VPS13D: variants seen among roughly 807,000 people sequenced by gnomAD.
VPS13D encodes the protein vacuolar protein sorting 13 homolog D, also known as intermembrane lipid transfer protein VPS13D.
Under a neutral mutation model 461.9 loss-of-function variants are expected in VPS13D, and 187 were observed. That is an observed-to-expected ratio of 0.40 (90% CI 0.36 to 0.46). VPS13D has a LOEUF of 0.46. Ranked by LOEUF, VPS13D falls within the 20% of genes least tolerant of loss-of-function variation. VPS13D has a pLI of 0.60. For synonymous variants in VPS13D, 1,951 were observed against 1,986.3 expected (o/e 0.98, Z 0.47); for missense variants, 4,711 against 5,364.9 (o/e 0.88, Z 3.81).
In VPS13D at chr1:12,244,322, C is replaced by G. The variant is rs747997002; in HGVS notation, c.252C>G (p.Ser84Arg). 2.0e-5 allele frequency: 32 copies of G among 1,614,014 alleles called. No homozygotes were observed. The Admixed American group carries it at 5.2e-4, about 26-fold the overall frequency. The change falls in exon 4 of 70, where the codon AGC (serine) becomes AGG (arginine). Residue 84 changes from serine (S) to arginine (R), a missense_variant. Ser to Arg is a moderately radical substitution (Grantham distance 110, BLOSUM62 -1). Coordinates refer to ENST00000620676, the MANE Select transcript of VPS13D (RefSeq NM_015378.4). ...ACCCTTGGGTGATCTCCATCTCCAG[C>G]CTTCACTTAATTGGAGCCCCAGAGA... is the stretch of plus-strand genomic sequence containing the variant. ...HVDPWVISIS[S>R]LHLIGAPEKI...
intron 54 of VPS13D, 101 bp from the exon 55 acceptor site, chr1:12,373,649 T>G (rs548207621): frequency 1.4e-5 from 9 of 633,156 alleles, no homozygotes; most frequent in Non-Finnish European, 1.9e-5. Context: ...TTAATAAAAG[T>G]TTTGGGCATT....
chr1:12,388,948 G>A (rs753735376), intron 60 of VPS13D, among the ~76,000 whole-genome samples: 2 of 152,192 alleles, frequency 1.3e-5, no homozygotes, highest in Admixed American at 1.3e-4. Flanking sequence ...AATATTACTG[G>A]TGTAGTCGGG....
intron 25 of VPS13D, among the ~76,000 whole-genome samples, chr1:12,301,966 T>C (rs1642435482): frequency 6.6e-6 from 1 of 152,190 alleles, no homozygotes; most frequent in East Asian, 1.9e-4. Flanking sequence ...ATTTCCTTGC[T>C]CTGTGATCAT....
intron 52 of VPS13D, 40 bp from the exon 53 acceptor site, chr1:12,368,428 C>T: frequency 6.4e-7 from 1 of 1,570,128 alleles, no homozygotes; most frequent in Non-Finnish European, 8.6e-7. Context: ...ATCTTGTCTC[C>T]TACATTTTAT....
chr1:12,511,384 G>A lies in VPS13D; in HGVS notation c.*2360G>A, dbSNP rs1404935939. The A allele has an allele frequency of 2.0e-5, 3 of 152,172 alleles. No individual in the cohort carries two copies. Among genetic ancestry groups the A allele is most frequent in the African/African-American group, 7.2e-5 (3 of 41,440 alleles). The allele number at this position is 152,172 out of a possible 1,614,324, so 9.4% of individuals were successfully genotyped here. On this transcript the variant is annotated 3_prime_UTR_variant, in exon 70 of 70. Transcript: ENST00000620676. The surrounding 1 kb of genome is among the most constrained non-coding windows in gnomAD (Gnocchi z 4.5). ...AGCCCTGGGCCAGACAAGGCCAGAA[G>A]GTTTCAGGGGCATTTGACATCCCCT...
At chr1:12,467,331 C>T (rs566536491) in intron 67 of VPS13D, among the ~76,000 whole-genome samples, 1 of 152,288 alleles carries the variant, frequency 6.6e-6, no homozygotes, top group African/African-American at 2.4e-5. Context: ...GCCACCTCGC[C>T]CAGCTAATTC....
chr1:12,268,868 A>T lies in VPS13D; in HGVS notation c.1964A>T (p.His655Leu). Residue 655 changes from histidine (H) to leucine (L), a missense_variant, in exon 16 of 70, where the codon CAT becomes CTT. Physicochemically the swap from His to Leu is moderately conservative, Grantham distance 99. Transcript: ENST00000620676. Reference protein sequence around the residue: ...VADFFYKGKVHTSGFGYQSEL... With the variant: ...VADFFYKGKVLTSGFGYQSEL... ...GACTTTTTCTACAAGGGAAAGGTTCATACCTCAGGTTAACTTTTTTGTTTG... is the reference window on the plus strand; with the variant it reads ...GACTTTTTCTACAAGGGAAAGGTTCTTACCTCAGGTTAACTTTTTTGTTTG... 1.9e-6 allele frequency: 3 copies of T among 1,604,420 alleles called. No individual in the cohort carries two copies. The South Asian group carries it at 3.4e-5, about 18-fold the overall frequency.
intron 63 of VPS13D, among the ~76,000 whole-genome samples, chr1:12,410,178 A>G (rs543518269): frequency 6.6e-6 from 1 of 152,350 alleles, no homozygotes; most frequent in East Asian, 1.9e-4. Flanking sequence ...GATGATTTCT[A>G]AGTGACACAG....
intron 38 of VPS13D, among the ~76,000 whole-genome samples, chr1:12,334,249 A>G (rs1643397989): frequency 6.6e-6 from 1 of 152,202 alleles, no homozygotes; most frequent in Non-Finnish European, 1.5e-5. Context: ...TAATTTGCCT[A>G]GTTGTTAATA....
chr1:12,275,454 A>G (rs1207293004), intron 18 of VPS13D, among the ~76,000 whole-genome samples: 1 of 152,138 alleles, frequency 6.6e-6, no homozygotes, highest in Non-Finnish European at 1.5e-5. Context: ...AAATGAACAC[A>G]CAGAAAAAGG....
intron 65 of VPS13D, among the ~76,000 whole-genome samples, chr1:12,423,602 A>G (rs892149096): frequency 1.3e-5 from 2 of 152,208 alleles, no homozygotes; most frequent in Non-Finnish European, 2.9e-5. Flanking sequence ...TCTGTTTGGG[A>G]CAGCAGTGTG....
chr1:12,487,406 C>A (rs1221841058), intron 67 of VPS13D, among the ~76,000 whole-genome samples: 1 of 151,936 alleles, frequency 6.6e-6, no homozygotes, highest in African/African-American at 2.4e-5. Context: ...GTCAGGAGTT[C>A]GAGACCAGCC....
intron 54 of VPS13D, 53 bp from the exon 55 acceptor site, chr1:12,373,697 G>T (rs1467762611): frequency 9.2e-7 from 1 of 1,087,056 alleles, no homozygotes; most frequent in African/African-American, 1.7e-5. Context: ...GAGTATGTGT[G>T]TGTATACCTG....
chr1:12,361,456 C>T (rs1393266973), intron 50 of VPS13D, among the ~76,000 whole-genome samples: 2 of 145,650 alleles, frequency 1.4e-5, no homozygotes, highest in East Asian at 2.0e-4. Flanking sequence ...AGTGCAGTGG[C>T]GGGATCTCGG....
At chr1:12,376,307 C>T (rs1644197916) in intron 55 of VPS13D, among the ~76,000 whole-genome samples, 1 of 152,160 alleles carries the variant, frequency 6.6e-6, no homozygotes, top group South Asian at 2.1e-4. Context: ...TCTGGCTTTG[C>T]CACTTAAAGA....
chr1:12,437,682 G>A (rs904455791), intron 65 of VPS13D, among the ~76,000 whole-genome samples: 3 of 152,178 alleles, frequency 2.0e-5, no homozygotes, highest in East Asian at 3.9e-4. Context: ...GCAACTAACA[G>A]TATCCAATTT....
chr1:12,385,181 T>G, intron 58 of VPS13D, 79 bp from the exon 59 acceptor site: 1 of 1,133,200 alleles, frequency 8.8e-7, no homozygotes, highest in Non-Finnish European at 1.3e-6. Flanking sequence ...ACTTTTGACC[T>G]ACACAGTTGT....
In VPS13D at chr1:12,354,157, G is replaced by A. The variant is rs751132546; in HGVS notation, c.9615G>A (p.Gly3205=). Residue 3205 remains glycine (G), a synonymous_variant, in exon 47 of 70, where the codon GGG becomes GGA. Coordinates refer to ENST00000620676, the MANE Select transcript of VPS13D (RefSeq NM_015378.4). Reference sequence around the variant, plus strand: ...ATGTTAAAGGAATGCCAATTAATGGGACGCTGAAACCTGGCAAGGAGGCAG... The same window carrying A: ...ATGTTAAAGGAATGCCAATTAATGGAACGCTGAAACCTGGCAAGGAGGCAG... ...DFYVKGMPIN[G]TLKPGKEAAL... 6.2e-6 allele frequency: 10 copies of A among 1,614,196 alleles called. No homozygotes were observed. Among genetic ancestry groups the A allele is most frequent in the East Asian group, 4.5e-5 (2 of 44,872 alleles).
chr1:12,346,762 G>T, intron 44 of VPS13D, 110 bp downstream of exon 44: 1 of 1,067,456 alleles, frequency 9.4e-7, no homozygotes, highest in Non-Finnish European at 1.3e-6. Flanking sequence ...ACATATATGC[G>T]ATTGAAATTT....
Sources: allele counts gnomAD v4.1 joint callset (sites outside exome capture counted in the v4.1 genomes callset), GRCh38; gene constraint gnomAD v4.1.1; non-coding constraint Gnocchi (gnomAD v3.1); transcripts MANE v1.5; gene names NCBI Gene and HGNC (gene_info 2026-07-23, HGNC 2026-07-21).